The following ZFP36L2 variants were observed in gnomAD, a reference collection of about 807,000 sequenced individuals.
The protein encoded by ZFP36L2 is mRNA decay activator protein ZFP36L2.
ZFP36L2 carries 16 observed loss-of-function variants against 27.9 expected under a neutral mutation model. That is an observed-to-expected ratio of 0.57 (90% CI 0.39 to 0.87). The LOEUF is 0.87. Ranked by LOEUF, ZFP36L2 falls within the 40% of genes least tolerant of loss-of-function variation. The pLI is 0.00. For synonymous variants in ZFP36L2, 600 were observed against 363.8 expected (o/e 1.65, Z -7.39); for missense variants, 989 against 726.9 (o/e 1.36, Z -4.15).
rs1242941528 is a variant in ZFP36L2 at position 43,222,488 on chromosome 2, A to G, written c.*1831T>C. 1.3e-5 allele frequency: 2 copies of G among 152,402 alleles called. No individual in the cohort carries two copies. Among genetic ancestry groups the G allele is most frequent in the African/African-American group, 4.8e-5 (2 of 41,472 alleles). The allele number at this position is 152,402 out of a possible 1,614,324, so 9.4% of individuals were successfully genotyped here. On this transcript the variant is annotated 3_prime_UTR_variant, in exon 2 of 2. Coordinates refer to ENST00000282388, the MANE Select transcript of ZFP36L2 (RefSeq NM_006887.5). ...TACAGTCACAATTTGTAGTGAGCTG[A>G]TTCCCCAAAATATATTACAACTCAA...
chr2:43,225,432 A>G lies in ZFP36L2; in HGVS notation c.372T>C (p.Phe124=), dbSNP rs1667069470. ...GCTGGCTGCGATCGCCGTTCTCGCT[A>G]AACGAGCGGTCCCGGAATTTGTTCT... is the stretch of plus-strand genomic sequence containing the variant. ...NKENKFRDRS[F]SENGDRSQHL... The change falls in exon 2 of 2, where the codon TTT becomes TTC. Residue 124 remains phenylalanine (F), a synonymous_variant. Coordinates refer to ENST00000282388, the MANE Select transcript of ZFP36L2 (RefSeq NM_006887.5). The G allele has an allele frequency of 6.2e-7, 1 of 1,612,076 alleles. No individual in the cohort carries two copies. The highest frequency in any genetic ancestry group is 8.5e-7 in the Non-Finnish European group (1 of 1,179,456).
At position 43,224,515 on chromosome 2, in the gene ZFP36L2, C is replaced by A. The variant is rs767461690; in HGVS notation, c.1289G>T (p.Ser430Ile). ...GGACAGGCGGCGCGGCAGCTGGAAG[C>A]TGAAGGGCGGCGAGGGAGGTGCGGC... ...GAAAPPSPPF[S>I]FQLPRRLSDS... is the part of the protein sequence containing the mutation. Residue 430 changes from serine to isoleucine, a missense_variant, in exon 2 of 2, where the codon AGC (serine) becomes ATC (isoleucine). Coordinates refer to ENST00000282388, the MANE Select transcript of ZFP36L2 (RefSeq NM_006887.5). 1.3e-6 allele frequency: 2 copies of A among 1,485,000 alleles called. No homozygotes were observed. The highest frequency in any genetic ancestry group is 1.8e-6 in the Non-Finnish European group (2 of 1,123,082). The allele number at this position is 1,485,000 out of a possible 1,614,324, so 92.0% of individuals were successfully genotyped here.
In ZFP36L2 at chr2:43,224,943, C is replaced by T. The variant is rs982031042; in HGVS notation, c.861G>A (p.Thr287=). The change falls in exon 2 of 2, where the codon ACG becomes ACA. Residue 287 remains threonine, a synonymous_variant. Coordinates refer to ENST00000282388, the MANE Select transcript of ZFP36L2 (RefSeq NM_006887.5). ...PLLLDSPTSR[T]PPPPSCSSAS... ...CCGAAGAGCAGGAGGGCGGCGGCGG[C>T]GTGCGCGACGTGGGGCTGTCGAGCA... 16 of 1,551,616 alleles carry T rather than the reference C, an allele frequency of 1.0e-5. No individual in the cohort carries two copies. Among genetic ancestry groups the T allele is most frequent in the African/African-American group, 1.4e-5 (1 of 69,430 alleles).
Position 43,224,734 on chromosome 2 carries a change from G to A in ZFP36L2, c.1070C>T (p.Ser357Leu), listed in dbSNP as rs750888768. 1.1e-5 allele frequency: 16 copies of A among 1,521,816 alleles called. No homozygotes were observed. Among genetic ancestry groups the A allele is most frequent in the Middle Eastern group, 1.8e-4 (1 of 5,554 alleles). The allele number at this position is 1,521,816 out of a possible 1,614,324, so 94.3% of individuals were successfully genotyped here. A position where few individuals can be genotyped will look rare whatever the true frequency, so the allele number is the denominator to read the frequency against. The change falls in exon 2 of 2, where the codon TCG becomes TTG. Residue 357 changes from serine (S) to leucine (L), a missense_variant. Ser to Leu is a moderately radical substitution (Grantham distance 145). Coordinates refer to ENST00000282388, the MANE Select transcript of ZFP36L2 (RefSeq NM_006887.5). ...GAAGGCGAAGGCGTTGTTGGCGCAC[G>A]AGGCCGACGAGCAGGCCGCGCACGG... ...GAPCAACSSA[S>L]CANNAFAFGP...
rs369880283 is a variant in ZFP36L2, at chr2:43,225,077, G to T, written c.727C>A (p.His243Asn). The stretch of plus-strand genomic sequence containing the variant: ...CGCGGCTCCCGCGGGAAGCCCAGGT[G>T]CAACGCATCGCGCGTGCCAAAGGCA... ...LRAFGTRDAL[H>N]LGFPREPRPK... The change falls in exon 2 of 2, where the codon CAC becomes AAC. Residue 243 changes from histidine to asparagine, a missense_variant. Physicochemically the swap from His to Asn is moderately conservative, Grantham distance 68. Transcript: ENST00000282388. 24 of 1,594,240 alleles carry T rather than the reference G, an allele frequency of 1.5e-5. No homozygotes were observed. In the South Asian group the frequency reaches 2.6e-4, roughly 18 times the overall value.
chr2:43,226,338 G>A lies in ZFP36L2; in HGVS notation c.-23C>T, dbSNP rs746050063. On this transcript the variant is annotated 5_prime_UTR_variant, in exon 1 of 2. Coordinates refer to ENST00000282388, the MANE Select transcript of ZFP36L2 (RefSeq NM_006887.5). ...CATGTTTCTGGATCCCGCAGTGGCCGGAGCGGCAGGCCGGGAGGTCGGGAG... is the reference window on the plus strand; with the variant it reads ...CATGTTTCTGGATCCCGCAGTGGCCAGAGCGGCAGGCCGGGAGGTCGGGAG... The A allele has an allele frequency of 3.2e-6, 5 of 1,566,572 alleles. No homozygotes were observed. The highest frequency in any genetic ancestry group is 1.9e-5 in the Admixed American group (1 of 53,636).
Position 43,225,045 on chromosome 2 carries a change from C to T in ZFP36L2, c.759G>A (p.Lys253=). Residue 253 remains lysine (K), a synonymous_variant, in exon 2 of 2, where the codon AAG becomes AAA. Coordinates refer to ENST00000282388, the MANE Select transcript of ZFP36L2 (RefSeq NM_006887.5). ...CCGAGAAGCTGAGGCTGTGGTGCAA[C>T]TTGGGCCGCGGCTCCCGCGGGAAGC... The part of the protein sequence containing the change: ...HLGFPREPRP[K]LHHSLSFSGF... The T allele has an allele frequency of 6.3e-7, 1 of 1,595,446 alleles. No homozygotes were observed. Among genetic ancestry groups the T allele is most frequent in the Non-Finnish European group, 8.5e-7 (1 of 1,178,434 alleles).
Position 43,225,207 on chromosome 2 carries a change from G to T in ZFP36L2, c.597C>A (p.Thr199=), listed in dbSNP as rs911909912. 6.2e-7 allele frequency: 1 copy of T among 1,604,410 alleles called. No individual in the cohort carries two copies. ...AGGGGCAGAAGCCGATGGTATGAAA[G>T]GTGCGGCACAGCTCGGTCTTGTACT... is the stretch of plus-strand genomic sequence containing the variant. ...HPKYKTELCR[T]FHTIGFCPYG... The change falls in exon 2 of 2, where the codon ACC becomes ACA. Residue 199 remains threonine (T), a synonymous_variant. Coordinates refer to ENST00000282388, the MANE Select transcript of ZFP36L2 (RefSeq NM_006887.5).
chr2:43,225,842 C>A lies in ZFP36L2; in HGVS notation c.52-90G>T, dbSNP rs555557785. 35 of 1,368,116 alleles carry A rather than the reference C, an allele frequency of 2.6e-5. 1 individual carries two copies. In the African/African-American group the frequency reaches 4.0e-4, roughly 16 times the overall value. The allele number at this position is 1,368,116 out of a possible 1,614,324, so 84.7% of individuals were successfully genotyped here. ...CCGCAGAGGAACTCCCAGCCTGATTCTTTTCCTTTTTTTCCCCCACTCTTG... is the reference window on the plus strand; with the variant it reads ...CCGCAGAGGAACTCCCAGCCTGATTATTTTCCTTTTTTTCCCCCACTCTTG... On this transcript the variant is annotated intron_variant, in intron 1 of 1. Coordinates refer to ENST00000282388, the MANE Select transcript of ZFP36L2 (RefSeq NM_006887.5).
In ZFP36L2 at chr2:43,224,733, C is replaced by T. The variant is rs201751642; in HGVS notation, c.1071G>A (p.Ser357=). 12 of 1,521,400 alleles carry T rather than the reference C, an allele frequency of 7.9e-6. No individual in the cohort carries two copies. The East Asian group carries it at 1.1e-4, about 14-fold the overall frequency. The allele number at this position is 1,521,400 out of a possible 1,614,324, so 94.2% of individuals were successfully genotyped here. A position where few individuals can be genotyped will look rare whatever the true frequency, so the allele number is the denominator to read the frequency against. Residue 357 remains serine (S), a synonymous_variant, in exon 2 of 2, where the codon TCG becomes TCA. Transcript: ENST00000282388. ...GAPCAACSSA[S]CANNAFAFGP... The stretch of plus-strand genomic sequence containing the variant: ...CGAAGGCGAAGGCGTTGTTGGCGCA[C>T]GAGGCCGACGAGCAGGCCGCGCACG...
Sources: gnomAD v4.1 joint callset for allele counts on GRCh38, gnomAD v4.1.1 for gene constraint, MANE v1.5 for transcripts, NCBI Gene and HGNC (gene_info 2026-07-23, HGNC 2026-07-21) for gene names.